Variants in PARD3B observed in about 807,000 individuals in gnomAD.
PARD3B encodes the protein partitioning defective 3 homolog B.
In PARD3B, 103 loss-of-function variants were observed where a neutral mutation model predicts 130.2. The ratio of observed to expected loss-of-function variants is 0.79; its 90% CI spans 0.67 to 0.93. The LOEUF (loss-of-function observed/expected upper bound fraction) is 0.93, where lower values mean the gene tolerates loss of function less well. Ranked by LOEUF, PARD3B falls within the 40% of genes least tolerant of loss-of-function variation. The pLI is 0.00. For synonymous variants in PARD3B, 583 were observed against 553.2 expected (o/e 1.05, Z -0.76); for missense variants, 1,609 against 1,499.2 (o/e 1.07, Z -1.21).
At chr2:205,425,327 A>G (rs367740218) in intron 19 of PARD3B, among the ~76,000 whole-genome samples, 2 of 152,212 alleles carry the variant, frequency 1.3e-5, no homozygotes, top group Non-Finnish European at 2.9e-5. Context: ...AACTCAGTGC[A>G]TTAGCAATGG....
chr2:204,973,158 G>A (rs1041890366), intron 3 of PARD3B, among the ~76,000 whole-genome samples: 3 of 152,144 alleles, frequency 2.0e-5, no homozygotes, highest in African/African-American at 7.2e-5. Context: ...TGAGGCAGCC[G>A]AAACACAGCC....
intron 10 of PARD3B, among the ~76,000 whole-genome samples, chr2:205,140,218 A>G (rs953844793): frequency 2.0e-5 from 3 of 152,148 alleles, no homozygotes; most frequent in Non-Finnish European, 4.4e-5. Context: ...CTTCCGCTGG[A>G]GCTAATTTTG....
chr2:204,562,076 C>T (rs916194478), intron 1 of PARD3B, among the ~76,000 whole-genome samples: 1 of 152,094 alleles, frequency 6.6e-6, no homozygotes, highest in Non-Finnish European at 1.5e-5. Context: ...ATACAACAAA[C>T]CCCCGTGCCC....
intron 18 of PARD3B, among the ~76,000 whole-genome samples, chr2:205,395,158 A>G (rs79634099): frequency 0.027 from 4,077 of 152,250 alleles, 170 homozygotes; most frequent in African/African-American, 0.094. Flanking sequence ...CTGCACCTGC[A>G]GCTACCTCCC....
At chr2:204,807,191 C>G (rs775960138) in intron 2 of PARD3B, among the ~76,000 whole-genome samples, 1 of 152,142 alleles carries the variant, frequency 6.6e-6, no homozygotes, top group Non-Finnish European at 1.5e-5. Context: ...CCAGATCCCT[C>G]CTGTGACATG....
At chr2:204,966,264 T>C (rs547907155) in intron 3 of PARD3B, among the ~76,000 whole-genome samples, 3 of 152,370 alleles carry the variant, frequency 2.0e-5, no homozygotes, top group African/African-American at 7.2e-5. Flanking sequence ...TACTGATTTT[T>C]GGAAAAGCAT....
chr2:205,257,655 C>G (rs1277273312), intron 16 of PARD3B, among the ~76,000 whole-genome samples: 1 of 152,030 alleles, frequency 6.6e-6, no homozygotes, highest in Non-Finnish European at 1.5e-5. Flanking sequence ...TACAGCGCTG[C>G]TACATGTTTT....
intron 1 of PARD3B, among the ~76,000 whole-genome samples, chr2:204,652,437 A>G (rs2035511508): frequency 6.6e-6 from 1 of 152,174 alleles, no homozygotes. Context: ...TCACTAAAGC[A>G]TAGCAAGGGT....
chr2:205,158,012 A>G lies in PARD3B; in HGVS notation c.1435-710A>G, dbSNP rs985772781. Reference sequence around the variant, plus strand: ...CTTGCGGCTAGGTGTCATTTATCAAATATGACATGAATGTTTGTTGTGCAT... The same window carrying G: ...CTTGCGGCTAGGTGTCATTTATCAAGTATGACATGAATGTTTGTTGTGCAT... On this transcript the variant is annotated intron_variant, in intron 10 of 22. Coordinates refer to ENST00000406610, the MANE Select transcript of PARD3B (RefSeq NM_001302769.2). The surrounding 1 kb of genome is among the most constrained non-coding windows in gnomAD (Gnocchi z 5.4). Among the ~76,000 whole-genome samples, 1 of 152,314 alleles carries G rather than the reference A, an allele frequency of 6.6e-6. No homozygotes were observed. The highest frequency in any genetic ancestry group is 2.1e-4 in the South Asian group (1 of 4,824).
intron 3 of PARD3B, among the ~76,000 whole-genome samples, chr2:205,018,749 A>AAAAAAAAAAAAAAAAAAAAAAAG (rs1559359658): frequency 8.3e-6 from 1 of 120,026 alleles, no homozygotes; most frequent in Non-Finnish European, 1.8e-5. Flanking sequence ...AAAAAAAAAA[A>AAAAAAAAAAAAAAAAAAAAAAAG]AGCACGCTGA....
rs186096798 is a variant in PARD3B at position 205,085,648 on chromosome 2, T to C, written c.505-18778T>C. Among the ~76,000 whole-genome samples, 8 of 152,200 alleles carry C rather than the reference T, an allele frequency of 5.3e-5. No individual in the cohort carries two copies. The East Asian group carries it at 1.5e-3, about 29-fold the overall frequency. On this transcript the variant is annotated intron_variant, in intron 4 of 22. Transcript: ENST00000406610. ...ATTTATGTATTTTAAACAATAACCA[T>C]TGGGGTTTTCACCTTCTTTGTACTT...
rs943666355 is a variant in PARD3B, at chr2:205,011,622, T to C, written c.395-35959T>C. Among the ~76,000 whole-genome samples, 2 of 152,186 alleles carry C rather than the reference T, an allele frequency of 1.3e-5. No individual in the cohort carries two copies. The highest frequency in any genetic ancestry group is 2.4e-5 in the African/African-American group (1 of 41,444). On this transcript the variant is annotated intron_variant, in intron 3 of 22. Transcript: ENST00000406610. This position sits in a 1 kb window ranked among gnomAD's most constrained non-coding sequence, Gnocchi z 4.1. ...CAGTGGGGCTTGCTAGGTGGCCGTC[T>C]TGGAGACAGGCTGCCATGGACTTCT...
chr2:204,814,890 T>C (rs576176869), intron 2 of PARD3B, among the ~76,000 whole-genome samples: 3 of 152,060 alleles, frequency 2.0e-5, no homozygotes, highest in Admixed American at 6.5e-5. Flanking sequence ...TTTTTGAATG[T>C]TAAATCATCC....
intron 10 of PARD3B, among the ~76,000 whole-genome samples, chr2:205,144,957 C>T (rs141889494): frequency 7.2e-5 from 11 of 152,234 alleles, no homozygotes; most frequent in Admixed American, 1.3e-4. Flanking sequence ...TGCCTCTTTT[C>T]GAGGCTGTGG....
chr2:205,610,365 C>T (rs1055592572), intron 22 of PARD3B, among the ~76,000 whole-genome samples: 2 of 152,114 alleles, frequency 1.3e-5, no homozygotes, highest in Non-Finnish European at 2.9e-5. Flanking sequence ...GTGTACTGTA[C>T]TTTGAAATAC....
intron 3 of PARD3B, among the ~76,000 whole-genome samples, chr2:204,974,990 A>G (rs1232536776): frequency 1.3e-5 from 2 of 152,170 alleles, no homozygotes; most frequent in Non-Finnish European, 2.9e-5. Flanking sequence ...AAATTACTGG[A>G]TGAGTCTCTT....
At chr2:204,888,006 G>C (rs768728053) in intron 2 of PARD3B, among the ~76,000 whole-genome samples, 1 of 152,158 alleles carries the variant, frequency 6.6e-6, no homozygotes, top group Non-Finnish European at 1.5e-5. Flanking sequence ...CATTGGTGAA[G>C]TGTCAAGATG....
intron 18 of PARD3B, among the ~76,000 whole-genome samples, chr2:205,374,498 G>T (rs1466194062): frequency 6.6e-6 from 1 of 152,072 alleles, no homozygotes; most frequent in African/African-American, 2.4e-5. Context: ...CTCCCAAAGT[G>T]CTGGGATTAC....
rs546813179 is a variant in PARD3B, at chr2:205,589,656, C to A, written c.3261-25800C>A. Among the ~76,000 whole-genome samples the A allele has an allele frequency of 2.2e-4, 33 of 152,184 alleles. No individual in the cohort carries two copies. Among genetic ancestry groups the A allele is most frequent in the Non-Finnish European group, 4.4e-4 (30 of 68,032 alleles). ...TATATAACTAATTGCAAATTAATTGCACCCTCACATTGTTGTCTCTATTGG... is the reference window on the plus strand; with the variant it reads ...TATATAACTAATTGCAAATTAATTGAACCCTCACATTGTTGTCTCTATTGG... On this transcript the variant is annotated intron_variant, in intron 22 of 22. Transcript: ENST00000406610. The surrounding 1 kb of genome is among the most constrained non-coding windows in gnomAD (Gnocchi z 4.1).
Sources: allele counts gnomAD v4.1 joint callset (sites outside exome capture counted in the v4.1 genomes callset), GRCh38; gene constraint gnomAD v4.1.1; non-coding constraint Gnocchi (gnomAD v3.1); transcripts MANE v1.5; gene names NCBI Gene and HGNC (gene_info 2026-07-23, HGNC 2026-07-21).